ATXN3: variants seen among roughly 807,000 people sequenced by gnomAD.
ATXN3 encodes ataxin-3.
A neutral mutation model predicts 58.2 loss-of-function variants in ATXN3; 28 were observed. The observed-to-expected ratio is 0.48, with a 90% CI of 0.36 to 0.66. ATXN3 has a LOEUF of 0.66. Among genes scored for constraint, ATXN3 ranks in the 30% least tolerant of loss-of-function variants. The pLI, the probability that ATXN3 is intolerant of heterozygous loss-of-function variation, is 0.00. For synonymous variants in ATXN3, 113 were observed against 138.5 expected, an observed-to-expected ratio of 0.82 and a Z score of 1.29; for missense variants, 321 against 422.1, an observed-to-expected ratio of 0.76 and a Z score of 2.10.
chr14:92,096,641 A>AG, intron 2 of ATXN3, 33 bp downstream of exon 2: 1 of 1,557,158 alleles, frequency 6.4e-7, no homozygotes, highest in East Asian at 2.3e-5. Context: ...AAAAAAAAAA[A>AG]GAAATGTGAC....
intron 1 of ATXN3, among the ~76,000 whole-genome samples, chr14:92,103,521 G>A (rs536251415): frequency 5.3e-5 from 8 of 151,810 alleles, no homozygotes; most frequent in East Asian, 1.9e-4. Flanking sequence ...CTACAGCCTC[G>A]ACCTCCCAGA....
chr14:92,088,384 T>C (rs1317264649), intron 6 of ATXN3, among the ~76,000 whole-genome samples: 1 of 152,208 alleles, frequency 6.6e-6, no homozygotes, highest in East Asian at 1.9e-4. Context: ...GGGGCATGTA[T>C]TTCAAAGAAA....
intron 6 of ATXN3, among the ~76,000 whole-genome samples, chr14:92,088,192 C>T (rs1229410248): frequency 1.3e-5 from 2 of 152,078 alleles, no homozygotes; most frequent in African/African-American, 4.8e-5. Flanking sequence ...CCTCAGCCTC[C>T]CGAGTAGCTC....
At chr14:92,066,034 C>T (rs1405073633) in intron 10 of ATXN3, among the ~76,000 whole-genome samples, 2 of 151,978 alleles carry the variant, frequency 1.3e-5, no homozygotes, top group African/African-American at 4.8e-5. Context: ...CTCAAGCAAT[C>T]TGCTTGCCTC....
downstream of ATXN3, among the ~76,000 whole-genome samples, chr14:92,054,626 G>A (rs544184526): frequency 1.9e-3 from 282 of 152,294 alleles, no homozygotes; most frequent in African/African-American, 6.6e-3. Flanking sequence ...CTCTGTCTAT[G>A]GAGTAGCGAT....
intron 9 of ATXN3, chr14:92,077,583 C>T (rs1399042466): frequency 3.9e-5 from 6 of 152,038 alleles, no homozygotes; most frequent in Non-Finnish European, 5.9e-5. Flanking sequence ...CTCCTGACTT[C>T]GTAATCTGCC....
At chr14:92,066,601 G>GTTTTTCTTTTT (rs2058458185) in intron 10 of ATXN3, among the ~76,000 whole-genome samples, 1 of 107,022 alleles carries the variant, frequency 9.3e-6, no homozygotes, top group African/African-American at 3.6e-5. Context: ...TTTTTTTCTT[G>GTTTTTCTTTTT]TTTTTTTTTT....
chr14:92,066,878 C>A (rs1316847627), intron 10 of ATXN3, among the ~76,000 whole-genome samples: 1 of 151,516 alleles, frequency 6.6e-6, no homozygotes, highest in Non-Finnish European at 1.5e-5. Context: ...CAAGCGATTC[C>A]CCTGCCTCAG....
rs2061610048 is a variant in ATXN3 at position 92,082,299 on chromosome 14, C to T, written c.775+1G>A. On this transcript the variant is annotated splice_donor_variant, in intron 8 of 10. Coordinates refer to ENST00000644486, the MANE Select transcript of ATXN3 (RefSeq NM_004993.6). LOFTEE classifies it high-confidence loss of function. ...TACAACACACATCAGAATGTCTTTACCTTGCATACTTAGCTGAATAGCCCT... is the reference window on the plus strand; with the variant it reads ...TACAACACACATCAGAATGTCTTTATCTTGCATACTTAGCTGAATAGCCCT... 1.2e-6 allele frequency: 2 copies of T among 1,612,716 alleles called. No homozygotes were observed.
At chr14:92,097,645 C>T (rs1009410683) in intron 1 of ATXN3, among the ~76,000 whole-genome samples, 3 of 148,258 alleles carry the variant, frequency 2.0e-5, no homozygotes, top group African/African-American at 4.9e-5. Context: ...CCTGCCTCAG[C>T]CTACCAAGTA....
intron 6 of ATXN3, chr14:92,083,469 C>T (rs1366071663): frequency 1.5e-6 from 1 of 663,928 alleles, no homozygotes; most frequent in South Asian, 1.5e-5. Context: ...TCACTTTCTC[C>T]ATTGTAAGAC....
chr14:92,074,996 C>A (rs10146249), intron 9 of ATXN3, among the ~76,000 whole-genome samples: 43,836 of 152,018 alleles, frequency 0.29, 6,734 homozygotes, highest in East Asian at 0.44. Flanking sequence ...TTTCATGCTT[C>A]TGTGAGTTAA....
chr14:92,049,186 A>G (rs1197091572), intron 1 of ATXN3, among the ~76,000 whole-genome samples: 2 of 152,034 alleles, frequency 1.3e-5, no homozygotes, highest in Admixed American at 1.3e-4. Flanking sequence ...AGGCTAAGGG[A>G]GTAGAAGGGG....
intron 10 of ATXN3, among the ~76,000 whole-genome samples, chr14:92,066,830 C>T (rs1027067558): frequency 1.4e-4 from 21 of 150,348 alleles, no homozygotes; most frequent in African/African-American, 4.4e-4. Flanking sequence ...AGTGCAGTGG[C>T]GCGACCTTGG....
intron 1 of ATXN3, among the ~76,000 whole-genome samples, chr14:92,100,826 G>A (rs1398656784): frequency 6.6e-6 from 1 of 152,080 alleles, no homozygotes; most frequent in African/African-American, 2.4e-5. Context: ...GTGAAAATTC[G>A]CTGAGCTGTA....
At chr14:92,081,399 G>C (rs911556257) in intron 8 of ATXN3, among the ~76,000 whole-genome samples, 1 of 148,728 alleles carries the variant, frequency 6.7e-6, no homozygotes, top group Admixed American at 6.8e-5. Flanking sequence ...CTTGAACCTC[G>C]GAGGCAGGGG....
downstream of ATXN3, among the ~76,000 whole-genome samples, chr14:92,055,912 G>A (rs993179389): frequency 1.3e-5 from 2 of 152,190 alleles, no homozygotes; most frequent in Non-Finnish European, 2.9e-5. This position sits in a 1 kb window ranked among gnomAD's most constrained non-coding sequence, Gnocchi z 4.5. Flanking sequence ...CGTGAGCCAA[G>A]ATCGTGCCAC....
At chr14:92,075,425 C>T (rs953192569) in intron 9 of ATXN3, among the ~76,000 whole-genome samples, 1 of 151,980 alleles carries the variant, frequency 6.6e-6, no homozygotes, top group African/African-American at 2.4e-5. Flanking sequence ...CCTTGGCCTC[C>T]GAAAGTGCTG....
intron 6 of ATXN3, among the ~76,000 whole-genome samples, chr14:92,085,965 A>C (rs1392776642): frequency 1.3e-5 from 2 of 152,222 alleles, no homozygotes; most frequent in Non-Finnish European, 2.9e-5. Flanking sequence ...TCAGGAACCA[A>C]GGTTTTAAAT....
Sources: gnomAD v4.1 joint callset for allele counts (sites outside exome capture counted in the v4.1 genomes callset) on GRCh38, gnomAD v4.1.1 for gene constraint, Gnocchi (gnomAD v3.1) non-coding constraint, MANE v1.5 for transcripts, NCBI Gene and HGNC (gene_info 2026-07-23, HGNC 2026-07-21) for gene names.